The following BSN variants were observed in gnomAD, a reference collection of about 807,000 sequenced individuals.
BSN encodes the protein bassoon presynaptic cytomatrix protein, also known as protein bassoon.
A neutral mutation model predicts 264.8 loss-of-function variants in BSN; 57 were observed. The ratio of observed to expected loss-of-function variants is 0.22; its 90% confidence interval spans 0.17 to 0.27. The LOEUF (loss-of-function observed/expected upper bound fraction) is 0.27, where lower values mean the gene tolerates loss of function less well. BSN is among the 10% of genes least tolerant of loss of function. The pLI, the probability that BSN is intolerant of heterozygous loss-of-function variation, is 1.00. For synonymous variants in BSN, 2,059 were observed against 2,137.3 expected (o/e 0.96, Z 1.01); for missense variants, 4,615 against 5,232.5 (o/e 0.88, Z 3.64).
intron 1 of BSN, among the ~76,000 whole-genome samples, chr3:49,598,658 C>T (rs746340708): frequency 6.6e-6 from 1 of 152,052 alleles, no homozygotes; most frequent in Non-Finnish European, 1.5e-5. Context: ...CCACCCACCT[C>T]GGCCTCCCAA....
At chr3:49,558,989 C>T (rs576779189) in intron 1 of BSN, among the ~76,000 whole-genome samples, 45 of 152,200 alleles carry the variant, frequency 3.0e-4, no homozygotes, top group African/African-American at 9.9e-4. Flanking sequence ...TGCAGTGGCG[C>T]GATCTCGGGT....
intron 1 of BSN, among the ~76,000 whole-genome samples, chr3:49,615,395 C>A (rs1395888333): frequency 6.6e-6 from 1 of 152,198 alleles, no homozygotes; most frequent in Non-Finnish European, 1.5e-5. Context: ...TTGTCCCCAG[C>A]TCTACCAAGG....
chr3:49,617,277 AATACATTATATATAT>A (rs1243371770), intron 1 of BSN, among the ~76,000 whole-genome samples: 33 of 144,136 alleles, frequency 2.3e-4, no homozygotes, highest in African/African-American at 8.7e-4. Flanking sequence ...TAAAAAATAA[AATACATTATATATAT>A]ATATATATAT....
Position 49,661,568 on chromosome 3 carries a change from C to T in BSN, c.9723C>T (p.Thr3241=). ...YVMIDDISEL[T]KDSTSTAPDS... ...TGATTGATGACATCAGTGAACTGAC[C>T]AAGGACAGCACCTCTACTGCTCCTG... The change falls in exon 6 of 12, where the codon ACC becomes ACT. Residue 3241 remains threonine (T), a synonymous_variant. Transcript: ENST00000296452. 15 of 1,613,984 alleles carry T rather than the reference C, an allele frequency of 9.3e-6. No individual in the cohort carries two copies. Among genetic ancestry groups the T allele is most frequent in the Non-Finnish European group, 1.2e-5 (14 of 1,180,048 alleles).
rs943196110 is a variant in BSN, at chr3:49,668,611, C to T, written c.*1126C>T. The T allele has an allele frequency of 3.3e-5, 5 of 152,596 alleles. No individual in the cohort carries two copies. Among genetic ancestry groups the T allele is most frequent in the Admixed American group, 2.0e-4 (3 of 15,282 alleles). 9.5% of individuals were successfully genotyped at this position (152,596 alleles called of 1,614,324 possible). ...CGAGGTCTGGGGAGGCCTCCCAGCC[C>T]GCCTCTGTTTACTGTGCAATTCCAG... On this transcript the variant is annotated 3_prime_UTR_variant, in exon 12 of 12. Transcript: ENST00000296452.
At chr3:49,628,188 A>G (rs185438315) in intron 2 of BSN, among the ~76,000 whole-genome samples, 1 of 152,330 alleles carries the variant, frequency 6.6e-6, no homozygotes, top group Non-Finnish European at 1.5e-5. Flanking sequence ...AACTTTGTTC[A>G]TGTGTGTCAC....
rs375049761 is a variant in BSN, at chr3:49,657,285, G to A, written c.7729G>A (p.Val2577Ile). The A allele has an allele frequency of 5.0e-6, 8 of 1,613,398 alleles. No individual in the cohort carries two copies. The East Asian group carries it at 1.6e-4, about 31-fold the overall frequency. Residue 2577 changes from valine to isoleucine, a missense_variant, in exon 5 of 12, where the codon GTC (valine) becomes ATC (isoleucine). Around this residue, in one of 3 missense-constraint regions of BSN, gnomAD observed 3,415 missense variants for 3,866.4 expected, o/e 0.88. Coordinates refer to ENST00000296452, the MANE Select transcript of BSN (RefSeq NM_003458.4). ...AGAGTCTGGGACTGAGCCCTGTGTGGTCAGGAGGATTGCCGACAGCAGCGT... is the reference window on the plus strand; with the variant it reads ...AGAGTCTGGGACTGAGCCCTGTGTGATCAGGAGGATTGCCGACAGCAGCGT... Reference protein sequence around the residue: ...ELESGTEPCVVRRIADSSVQT... With the variant: ...ELESGTEPCVIRRIADSSVQT...
Position 49,554,798 on chromosome 3 carries a change from G to T in BSN, c.196G>T (p.Gly66Cys). The stretch of plus-strand genomic sequence containing the variant: ...ACCACCGGTCCCTGGCCCCGGCCCC[G>T]GCCCCGGTCCCGGCCCTGGCCCGGG... Reference protein sequence around the residue: ...AVPPVPGPGPGPGPGPGPGST... With the variant: ...AVPPVPGPGPCPGPGPGPGST... Residue 66 changes from glycine to cysteine, a missense_variant, in exon 1 of 12, where the codon GGC (glycine) becomes TGC (cysteine). Gly to Cys is a radical substitution (Grantham distance 159, BLOSUM62 -3). Transcript: ENST00000296452. The T allele has an allele frequency of 8.4e-7, 1 of 1,195,608 alleles. No homozygotes were observed. Among genetic ancestry groups the T allele is most frequent in the Non-Finnish European group, 1.0e-6 (1 of 965,596 alleles). 74.1% of individuals were successfully genotyped at this position (1,195,608 alleles called of 1,614,324 possible).
chr3:49,558,274 T>A (rs1432650201), intron 1 of BSN, among the ~76,000 whole-genome samples: 1 of 152,192 alleles, frequency 6.6e-6, no homozygotes, highest in East Asian at 1.9e-4. Flanking sequence ...GAGCAGAGAA[T>A]GAGGCTGAGT....
intron 1 of BSN, among the ~76,000 whole-genome samples, chr3:49,612,949 A>G (rs925720953): frequency 2.0e-5 from 3 of 152,160 alleles, no homozygotes; most frequent in Non-Finnish European, 4.4e-5. Context: ...CCTGACCAAC[A>G]TGGAGAAACC....
chr3:49,660,691 G>A lies in BSN; in HGVS notation c.8846G>A (p.Arg2949Gln), dbSNP rs201060763. ...CTCCGGGAGCTGGACCGGGACCTGC[G>A]GCTGGTGGAGCATGAGTCCACCAAA... is the stretch of plus-strand genomic sequence containing the variant. Reference protein sequence around the residue: ...SLLRELDRDLRLVEHESTKLR... With the variant: ...SLLRELDRDLQLVEHESTKLR... Residue 2949 changes from arginine (R) to glutamine (Q), a missense_variant, in exon 6 of 12, where the codon CGG becomes CAG. Physicochemically the swap from Arg to Gln is conservative, Grantham distance 43. Around this residue, in one of 3 missense-constraint regions of BSN, gnomAD observed 3,415 missense variants for 3,866.4 expected, o/e 0.88. Transcript: ENST00000296452. This position sits in a 1 kb window ranked among gnomAD's most constrained non-coding sequence, Gnocchi z 7.1. 15 of 1,613,112 alleles carry A rather than the reference G, an allele frequency of 9.3e-6. No homozygotes were observed. The highest frequency in any genetic ancestry group is 2.2e-5 in the East Asian group (1 of 44,886).
chr3:49,657,807 AC>A lies in BSN; in HGVS notation c.8255del (p.Pro2752GlnfsTer32). On this transcript the variant is annotated frameshift_variant, in exon 5 of 12. Transcript: ENST00000296452. LOFTEE classifies it high-confidence loss of function. ...CTACCTGCCTGGCATCCAGATCGTCACCCCAGGGCCTCTGGGCAGATTTGAA... is the reference window on the plus strand; with the variant it reads ...CTACCTGCCTGGCATCCAGATCGTCACCCAGGGCCTCTGGGCAGATTTGAA... ...SPYLPGIQIV[T>X]PGPLGRFEKK... The A allele has an allele frequency of 6.3e-7, 1 of 1,578,520 alleles. No individual in the cohort carries two copies. The highest frequency in any genetic ancestry group is 1.2e-5 in the South Asian group (1 of 86,544).
intron 1 of BSN, among the ~76,000 whole-genome samples, chr3:49,576,582 G>A (rs2051846985): frequency 1.3e-5 from 2 of 151,888 alleles, no homozygotes; most frequent in South Asian, 4.2e-4. Context: ...CATGATGCTC[G>A]GCTAATTTTT....
intron 1 of BSN, among the ~76,000 whole-genome samples, chr3:49,567,690 T>G (rs1306275725): frequency 2.0e-5 from 3 of 152,248 alleles, no homozygotes; most frequent in Non-Finnish European, 2.9e-5. Flanking sequence ...GGAGTTGTAT[T>G]GCAGTTACTA....
intron 1 of BSN, among the ~76,000 whole-genome samples, chr3:49,622,535 C>T (rs1379385345): frequency 6.6e-6 from 1 of 152,164 alleles, no homozygotes; most frequent in Non-Finnish European, 1.5e-5. Context: ...ATATAGATTG[C>T]CTGCTACTTA....
In BSN at chr3:49,654,317, C is replaced by A. The variant is rs1363071396; in HGVS notation, c.4761C>A (p.Thr1587=). ...STSPLCSPTE[T]QPTTHGYSQT... ...CCCCGCTCTGCTCACCTACTGAAAC[C>A]CAGCCCACCACCCATGGCTACAGCC... Residue 1587 remains threonine, a synonymous_variant, in exon 5 of 12, where the codon ACC becomes ACA. Transcript: ENST00000296452. This position sits in a 1 kb window ranked among gnomAD's most constrained non-coding sequence, Gnocchi z 4.1. 6.2e-7 allele frequency: 1 copy of A among 1,613,722 alleles called. No homozygotes were observed. The highest frequency in any genetic ancestry group is 8.5e-7 in the Non-Finnish European group (1 of 1,179,944).
At chr3:49,577,005 A>T (rs955201236) in intron 1 of BSN, among the ~76,000 whole-genome samples, 3 of 151,984 alleles carry the variant, frequency 2.0e-5, no homozygotes, top group Non-Finnish European at 4.4e-5. Context: ...GGAATTTGAA[A>T]TTTTTTTCTA....
chr3:49,642,593 C>T lies in BSN; in HGVS notation c.959C>T (p.Pro320Leu). The change falls in exon 3 of 12, where the codon CCT (proline) becomes CTT (leucine). Residue 320 changes from proline (P) to leucine (L), a missense_variant. Pro to Leu is a moderately conservative substitution (Grantham distance 98, BLOSUM62 -3). Around this residue, in one of 3 missense-constraint regions of BSN, gnomAD observed 1,197 missense variants for 1,348.0 expected, o/e 0.89. Transcript: ENST00000296452. The surrounding 1 kb of genome is among the most constrained non-coding windows in gnomAD (Gnocchi z 7.0). ...CCTTCCACAGCTGAGCCCAGGCCAC[C>T]TGCAGGAGAGGCCCCGGCCAAAAGT... ...TKPSTAEPRP[P>L]AGEAPAKSAT... The T allele has an allele frequency of 1.2e-6, 2 of 1,605,274 alleles. No individual in the cohort carries two copies. Among genetic ancestry groups the T allele is most frequent in the Non-Finnish European group, 1.7e-6 (2 of 1,174,796 alleles).
intron 1 of BSN, among the ~76,000 whole-genome samples, chr3:49,582,011 GA>G (rs2051898888): frequency 1.3e-5 from 2 of 152,116 alleles, no homozygotes; most frequent in African/African-American, 4.8e-5. Flanking sequence ...ATAAACCTAA[GA>G]GTGGAATTCC....
Sources: allele counts gnomAD v4.1 joint callset (sites outside exome capture counted in the v4.1 genomes callset), GRCh38; gene constraint gnomAD v4.1.1; regional missense constraint gnomAD v4.1.1; non-coding constraint Gnocchi (gnomAD v3.1); transcripts MANE v1.5; gene names NCBI Gene and HGNC (gene_info 2026-07-23, HGNC 2026-07-21).